The following LOC122539214 variants were observed in gnomAD, a reference collection of about 807,000 sequenced individuals.
chr19:52,684,422 C>T, the LOC122539214 span, among the ~76,000 whole-genome samples: 2 of 150,398 alleles, frequency 1.3e-5, no homozygotes. Flanking sequence ...GGTGGCACAC[C>T]CCTATAATCC....
At chr19:52,652,011 T>G in the LOC122539214 span, 1 of 199,496 alleles carries the variant, frequency 5.0e-6, no homozygotes. Context: ...TTGGGACAAT[T>G]ATCTCAAAAA....
chr19:52,684,126 T>C, the LOC122539214 span, among the ~76,000 whole-genome samples: 1,260 of 152,192 alleles, frequency 8.3e-3, 19 homozygotes, highest in African/African-American at 0.028. Context: ...CCTAGCACTC[T>C]GGGAGGCCGA....
the LOC122539214 span, among the ~76,000 whole-genome samples, chr19:52,662,540 T>C: frequency 1.3e-5 from 2 of 152,134 alleles, no homozygotes; most frequent in African/African-American, 4.8e-5. Context: ...TAATTACCTG[T>C]TTTTTCCATT....
At chr19:52,650,535 G>C in the LOC122539214 span, 1 of 152,174 alleles carries the variant, frequency 6.6e-6, no homozygotes, top group African/African-American at 2.4e-5. Flanking sequence ...GGGACTACAG[G>C]TGTGAGCCAT....
the LOC122539214 span, among the ~76,000 whole-genome samples, chr19:52,680,355 G>A: frequency 1.3e-5 from 2 of 152,052 alleles, no homozygotes; most frequent in African/African-American, 2.4e-5. Flanking sequence ...AGCCCTCTGC[G>A]CAGGGTTCAG....
At chr19:52,651,557 T>G in the LOC122539214 span, 1 of 152,450 alleles carries the variant, frequency 6.6e-6, no homozygotes, top group Non-Finnish European at 1.5e-5. Context: ...GTGGCACACA[T>G]CTGAAATCCC....
At chr19:52,667,491 A>C in the LOC122539214 span, among the ~76,000 whole-genome samples, 2 of 152,196 alleles carry the variant, frequency 1.3e-5, no homozygotes, top group African/African-American at 4.8e-5. Flanking sequence ...TTTATGTGCA[A>C]GTTGTGTAAG....
At chr19:52,680,349 C>G in the LOC122539214 span, among the ~76,000 whole-genome samples, 1 of 152,108 alleles carries the variant, frequency 6.6e-6, no homozygotes, top group Non-Finnish European at 1.5e-5. Flanking sequence ...GTATAAAGCC[C>G]TCTGCGCAGG....
the LOC122539214 span, among the ~76,000 whole-genome samples, chr19:52,675,901 C>T: frequency 4.6e-5 from 7 of 152,170 alleles, no homozygotes; most frequent in Non-Finnish European, 5.9e-5. Flanking sequence ...CAAGAATGAA[C>T]GACATTCAGG....
the LOC122539214 span, among the ~76,000 whole-genome samples, chr19:52,668,968 GTTCA>G: frequency 6.6e-6 from 1 of 152,154 alleles, no homozygotes; most frequent in South Asian, 2.1e-4. Context: ...CCAACACTAA[GTTCA>G]CTTTATGTCC....
the LOC122539214 span, among the ~76,000 whole-genome samples, chr19:52,663,480 G>C: frequency 6.6e-6 from 1 of 152,166 alleles, no homozygotes; most frequent in Non-Finnish European, 1.5e-5. Flanking sequence ...TGGACCAGAG[G>C]AACTTGAGGA....
the LOC122539214 span, among the ~76,000 whole-genome samples, chr19:52,690,150 G>A: frequency 6.6e-6 from 1 of 150,558 alleles, no homozygotes; most frequent in African/African-American, 2.5e-5. Flanking sequence ...GTTAAAAAGC[G>A]CGGGGCGGGA....
the LOC122539214 span, among the ~76,000 whole-genome samples, chr19:52,666,351 A>G: frequency 6.6e-6 from 1 of 152,046 alleles, no homozygotes; most frequent in Non-Finnish European, 1.5e-5. Flanking sequence ...AAAACCTATA[A>G]TTGATAATTG....
the LOC122539214 span, among the ~76,000 whole-genome samples, chr19:52,674,820 T>TAA: frequency 2.0e-5 from 3 of 152,222 alleles, no homozygotes; most frequent in Non-Finnish European, 2.9e-5. Flanking sequence ...GTTAAATGAT[T>TAA]ATACAACCCA....
chr19:52,689,945 G>C, the LOC122539214 span, among the ~76,000 whole-genome samples: 1 of 152,182 alleles, frequency 6.6e-6, no homozygotes, highest in Non-Finnish European at 1.5e-5. Context: ...GAGACCTGGG[G>C]AGCAGCAGGG....
chr19:52,686,554 C>A, the LOC122539214 span, among the ~76,000 whole-genome samples: 2 of 150,780 alleles, frequency 1.3e-5, no homozygotes, highest in Middle Eastern at 3.2e-3. Flanking sequence ...ACTTTTGATA[C>A]CCCTTTTATT....
At chr19:52,670,520 A>G in the LOC122539214 span, among the ~76,000 whole-genome samples, 2 of 152,144 alleles carry the variant, frequency 1.3e-5, no homozygotes, top group African/African-American at 4.8e-5. Flanking sequence ...ATTTGGTGCT[A>G]TTTCTTTTGC....
chr19:52,687,281 G>A, the LOC122539214 span, among the ~76,000 whole-genome samples: 1 of 144,208 alleles, frequency 6.9e-6, no homozygotes, highest in East Asian at 2.0e-4. Context: ...TTTGAGCCCA[G>A]GATTTTGAGA....
At chr19:52,672,334 A>C in the LOC122539214 span, among the ~76,000 whole-genome samples, 2 of 152,384 alleles carry the variant, frequency 1.3e-5, no homozygotes, top group Middle Eastern at 3.4e-3. Context: ...ACTATGAACT[A>C]TGTTTTTCTC....
Sources: allele counts gnomAD v4.1 joint callset (sites outside exome capture counted in the v4.1 genomes callset), GRCh38; gene constraint gnomAD v4.1.1; transcripts MANE v1.5.